The following NFIB variants were observed in gnomAD, a reference collection of about 807,000 sequenced individuals.
NFIB encodes the protein nuclear factor I B.
A neutral mutation model predicts 61.5 loss-of-function variants in NFIB; 11 were observed. That is an observed-to-expected ratio of 0.18 (90% confidence interval 0.11 to 0.30). The LOEUF (loss-of-function observed/expected upper bound fraction) is 0.30. Ranked by LOEUF, NFIB falls within the 10% of genes least tolerant of loss-of-function variation. The pLI is 1.00. For missense variants in NFIB, 471 were observed against 608.9 expected, an observed-to-expected ratio of 0.77 and a Z score of 2.38; for synonymous variants, 260 against 216.5, an observed-to-expected ratio of 1.20 and a Z score of -1.76.
intron 10 of NFIB, among the ~76,000 whole-genome samples, chr9:14,104,925 G>C (rs2036331735): frequency 6.6e-6 from 1 of 152,042 alleles, no homozygotes; most frequent in Non-Finnish European, 1.5e-5. Context: ...GCTTAGGTTG[G>C]AGAAGTTTTC....
chr9:14,163,030 G>A (rs116740042), intron 3 of NFIB, among the ~76,000 whole-genome samples: 2,840 of 151,996 alleles, frequency 0.019, 87 homozygotes, highest in African/African-American at 0.063. Context: ...CCTAAGGCAA[G>A]CTGTCTAACT....
Position 14,116,206 on chromosome 9 carries a change from A to C in NFIB, c.1384+2T>G. ...TGGTTGCTGTAGGTGAAGCTGCCTCACCTTCAGTGGATGTAGTGATGGGTT... is the reference window on the plus strand; with the variant it reads ...TGGTTGCTGTAGGTGAAGCTGCCTCCCCTTCAGTGGATGTAGTGATGGGTT... On this transcript the variant is annotated splice_donor_variant, in intron 9 of 10. Transcript: ENST00000380953. LOFTEE classifies it high-confidence loss of function. 6.7e-7 allele frequency: 1 copy of C among 1,497,834 alleles called. No individual in the cohort carries two copies. The highest frequency in any genetic ancestry group is 9.0e-7 in the Non-Finnish European group (1 of 1,116,938). 92.8% of individuals were successfully genotyped at this position (1,497,834 alleles called of 1,614,324 possible). A position where few individuals can be genotyped will look rare whatever the true frequency, so the allele number is the denominator to read the frequency against.
chr9:14,391,677 C>T (rs1288385689), intron 1 of NFIB, among the ~76,000 whole-genome samples: 1 of 152,088 alleles, frequency 6.6e-6, no homozygotes, highest in African/African-American at 2.4e-5. Flanking sequence ...AAAGTGCTGA[C>T]AGGCCACTGT....
At chr9:14,096,040 A>G (rs2034734162) in intron 10 of NFIB, among the ~76,000 whole-genome samples, 1 of 152,142 alleles carries the variant, frequency 6.6e-6, no homozygotes, top group South Asian at 2.1e-4. Flanking sequence ...TTGTTATTTA[A>G]GTAAATATGA....
At chr9:14,173,506 G>C (rs2045806907) in intron 3 of NFIB, among the ~76,000 whole-genome samples, 1 of 152,092 alleles carries the variant, frequency 6.6e-6, no homozygotes, top group Non-Finnish European at 1.5e-5. Context: ...GGAAAAGCAA[G>C]GTTCATGTGT....
At chr9:14,228,907 G>T (rs988239388) in intron 2 of NFIB, among the ~76,000 whole-genome samples, 1 of 151,812 alleles carries the variant, frequency 6.6e-6, no homozygotes, top group African/African-American at 2.4e-5. Flanking sequence ...TTATCTTTTT[G>T]GAATCTTAGA....
the NFIB span, among the ~76,000 whole-genome samples, chr9:14,427,738 A>G: frequency 6.6e-6 from 1 of 152,050 alleles, no homozygotes; most frequent in Non-Finnish European, 1.5e-5. Flanking sequence ...GGAGAAGGCT[A>G]ATAGAAGAGT....
intron 1 of NFIB, among the ~76,000 whole-genome samples, chr9:14,336,405 A>G (rs1330698049): frequency 1.3e-5 from 2 of 152,214 alleles, no homozygotes; most frequent in African/African-American, 2.4e-5. Flanking sequence ...AGCACCTGAC[A>G]TTTTTGGAAA....
chr9:14,318,505 C>CTTTTTTTT (rs34481505), upstream of NFIB, among the ~76,000 whole-genome samples: 62 of 66,840 alleles, frequency 9.3e-4, no homozygotes, highest in Admixed American at 1.4e-3. Flanking sequence ...CACTCGATGC[C>CTTTTTTTT]TTTTTTTTTT....
At chr9:14,322,345 G>A (rs1453258436) in intron 1 of NFIB, 6 of 253,996 alleles carry the variant, frequency 2.4e-5, no homozygotes, top group Non-Finnish European at 4.5e-5. Context: ...ATGTGTGTGT[G>A]TGGTGGGTTT....
chr9:14,356,182 G>T (rs2061174297), intron 1 of NFIB, among the ~76,000 whole-genome samples: 1 of 152,216 alleles, frequency 6.6e-6, no homozygotes, highest in East Asian at 1.9e-4. Context: ...CGCACTTTTT[G>T]TCACTAACTG....
At chr9:14,377,726 A>G (rs907012312) in intron 1 of NFIB, among the ~76,000 whole-genome samples, 1 of 152,200 alleles carries the variant, frequency 6.6e-6, no homozygotes, top group African/African-American at 2.4e-5. Flanking sequence ...CTGGAACTCT[A>G]TTGACCTAAT....
chr9:14,202,474 T>C (rs1339836812), intron 2 of NFIB, among the ~76,000 whole-genome samples: 7 of 152,184 alleles, frequency 4.6e-5, no homozygotes, highest in Non-Finnish European at 8.8e-5. Context: ...TCACATCCCA[T>C]TATAGAATAT....
intron 1 of NFIB, among the ~76,000 whole-genome samples, chr9:14,368,185 C>G (rs2061323402): frequency 6.7e-6 from 1 of 148,300 alleles, no homozygotes; most frequent in Non-Finnish European, 1.5e-5. Context: ...CAGAGGGAAA[C>G]AAGTGGCTGG....
intron 2 of NFIB, among the ~76,000 whole-genome samples, chr9:14,262,591 G>C (rs1270267582): frequency 6.6e-6 from 1 of 152,144 alleles, no homozygotes; most frequent in Admixed American, 6.6e-5. Context: ...GGTTAGAATT[G>C]AGACAAGGAA....
At chr9:14,462,443 C>T in the NFIB span, among the ~76,000 whole-genome samples, 5 of 151,966 alleles carry the variant, frequency 3.3e-5, no homozygotes, top group African/African-American at 9.7e-5. Context: ...CCACCACGCC[C>T]GGCTAATTTT....
intron 2 of NFIB, among the ~76,000 whole-genome samples, chr9:14,289,143 T>TATATATAC (rs1554703265): frequency 1.4e-4 from 21 of 145,888 alleles, no homozygotes; most frequent in East Asian, 8.1e-4. Context: ...TATATATACA[T>TATATATAC]ATATATATAT....
At chr9:14,375,703 C>A (rs1329645945) in intron 1 of NFIB, among the ~76,000 whole-genome samples, 3 of 151,960 alleles carry the variant, frequency 2.0e-5, no homozygotes, top group Non-Finnish European at 1.5e-5. Flanking sequence ...ACTTACAGCT[C>A]ATTGGTCAGA....
intron 1 of NFIB, among the ~76,000 whole-genome samples, chr9:14,329,860 A>C (rs1588318258): frequency 6.6e-6 from 1 of 151,326 alleles, no homozygotes; most frequent in South Asian, 2.1e-4. Context: ...ACAGTGGCTC[A>C]CGCCTGTAAT....
Sources: allele counts gnomAD v4.1 joint callset (sites outside exome capture counted in the v4.1 genomes callset), GRCh38; gene constraint gnomAD v4.1.1; transcripts MANE v1.5; gene names NCBI Gene and HGNC (gene_info 2026-07-23, HGNC 2026-07-21).